The following SPTBN1 variants were observed in gnomAD, a reference collection of about 807,000 sequenced individuals.
SPTBN1 encodes spectrin beta, non-erythrocytic 1.
Under a neutral mutation model 266.4 loss-of-function variants are expected in SPTBN1, and 32 were observed. The observed-to-expected ratio is 0.12, with a 90% CI of 0.09 to 0.16. SPTBN1 has a LOEUF of 0.16. SPTBN1 is among the 10% of genes least tolerant of loss of function. The pLI, the probability that SPTBN1 is intolerant of heterozygous loss-of-function variation, is 1.00. For missense variants in SPTBN1, 2,296 were observed against 3,067.1 expected, an observed-to-expected ratio of 0.75 and a Z score of 5.94; for synonymous variants, 1,336 against 1,162.2, an observed-to-expected ratio of 1.15 and a Z score of -3.04.
chr2:54,655,308 T>TTA, intron 28 of SPTBN1, 100 bp downstream of exon 28: 5 of 1,426,340 alleles, frequency 3.5e-6, no homozygotes, highest in South Asian at 2.7e-5. Context: ...GTTTACATTC[T>TTA]TATACACACA....
chr2:54,507,127 G>A (rs1669614569), intron 1 of SPTBN1, among the ~76,000 whole-genome samples: 1 of 152,106 alleles, frequency 6.6e-6, no homozygotes, highest in South Asian at 2.1e-4. Context: ...AGATTACAAA[G>A]TACATTGATC....
chr2:54,526,486 A>G lies in SPTBN1; in HGVS notation c.68A>G (p.Asn23Ser). 6.2e-7 allele frequency: 1 copy of G among 1,614,174 alleles called. No individual in the cohort carries two copies. The highest frequency in any genetic ancestry group is 8.5e-7 in the Non-Finnish European group (1 of 1,180,024). The change falls in exon 2 of 36, where the codon AAC becomes AGC. Residue 23 changes from asparagine to serine, a missense_variant. This residue lies in a region of SPTBN1 where 178 missense variants were observed against 375.7 expected (regional missense o/e 0.47). Transcript: ENST00000356805. ...CAGCAGCAGTACAGTGATGTCAACA[A>G]CCGCTGGGATGTCGACGACTGGGAC... Reference protein sequence around the residue: ...EIQQQYSDVNNRWDVDDWDNE... With the variant: ...EIQQQYSDVNSRWDVDDWDNE...
rs547023599 is a variant in SPTBN1, at chr2:54,489,346, A to G, written c.-48+32828A>G. On this transcript the variant is annotated intron_variant, in intron 1 of 35. Coordinates refer to ENST00000356805, the MANE Select transcript of SPTBN1 (RefSeq NM_003128.3). ...AAAAAAAAAAAAAATAGTAAATGGT[A>G]TAACTGAAAGTACCTTGAAAAAATA... Among the ~76,000 whole-genome samples, 75 of 151,982 alleles carry G rather than the reference A, an allele frequency of 4.9e-4. 1 individual carries two copies. The highest frequency in any genetic ancestry group is 1.8e-3 in the African/African-American group (73 of 41,450).
At chr2:54,548,550 T>G (rs557539083) in intron 2 of SPTBN1, among the ~76,000 whole-genome samples, 1 of 152,320 alleles carries the variant, frequency 6.6e-6, no homozygotes, top group South Asian at 2.1e-4. Context: ...CTGGGCCCAC[T>G]TCATTGACTG....
chr2:54,459,697 T>C (rs1193695565), intron 1 of SPTBN1, among the ~76,000 whole-genome samples: 1 of 152,208 alleles, frequency 6.6e-6, no homozygotes, highest in African/African-American at 2.4e-5. Context: ...ATGGCAGCCG[T>C]AGTTTCTTTC....
At chr2:54,472,097 G>T (rs1476364933) in intron 1 of SPTBN1, among the ~76,000 whole-genome samples, 3 of 127,730 alleles carry the variant, frequency 2.3e-5, no homozygotes, top group Non-Finnish European at 4.7e-5. Context: ...GCGCGATCTT[G>T]GCTCACTGCA....
chr2:54,658,133 T>C (rs1012418634), intron 30 of SPTBN1, 87 bp downstream of exon 30: 8 of 1,501,282 alleles, frequency 5.3e-6, no homozygotes, highest in Non-Finnish European at 6.3e-6. Flanking sequence ...ATTCACACGA[T>C]TGCTTGTTTT....
chr2:54,569,903 G>T (rs1673936788), intron 2 of SPTBN1, among the ~76,000 whole-genome samples: 1 of 152,012 alleles, frequency 6.6e-6, no homozygotes, highest in African/African-American at 2.4e-5. Context: ...ACCTGTTCTG[G>T]GTGTGGTTTC....
Position 54,558,859 on chromosome 2 carries a change from G to C in SPTBN1, c.148+32293G>C. On this transcript the variant is annotated intron_variant, in intron 2 of 35. Transcript: ENST00000356805. The surrounding 1 kb of genome is among the most constrained non-coding windows in gnomAD (Gnocchi z 4.6). ...GGCAGGTGCCTTACAACTACAACCA[G>C]CTGGAAGGCAGATTCAAGCAGCTGC... is the stretch of plus-strand genomic sequence containing the variant. The C allele has an allele frequency of 6.2e-7, 1 of 1,613,938 alleles. No individual in the cohort carries two copies. Among genetic ancestry groups the C allele is most frequent in the Non-Finnish European group, 8.5e-7 (1 of 1,179,874 alleles).
At chr2:54,566,294 T>A (rs970772995) in intron 2 of SPTBN1, among the ~76,000 whole-genome samples, 161 of 151,198 alleles carry the variant, frequency 1.1e-3, no homozygotes, top group African/African-American at 3.6e-3. Flanking sequence ...TTCAAGCAAT[T>A]CTCTTGCCTC....
intron 26 of SPTBN1, among the ~76,000 whole-genome samples, chr2:54,651,866 A>G (rs1040661025): frequency 1.3e-5 from 2 of 152,236 alleles, no homozygotes; most frequent in Non-Finnish European, 2.9e-5. Flanking sequence ...TCACACTGGA[A>G]ACCAAAGCCT....
rs1679972981 is a variant in SPTBN1 at position 54,647,077 on chromosome 2, A to G, written c.4867-54A>G. 14 of 1,612,426 alleles carry G rather than the reference A, an allele frequency of 8.7e-6. No homozygotes were observed. The Admixed American group carries it at 1.5e-4, about 17-fold the overall frequency. On this transcript the variant is annotated intron_variant, in intron 23 of 35. Transcript: ENST00000356805. ...TGAGCAGCTGGTCTGTCACTCCTTA[A>G]GGGGTAGGGCCAGAGGGGACCGCTA...
chr2:54,583,818 GCTCTTTTTATTCCTA>G (rs1283974768), intron 2 of SPTBN1, among the ~76,000 whole-genome samples: 1 of 152,114 alleles, frequency 6.6e-6, no homozygotes, highest in Non-Finnish European at 1.5e-5. Flanking sequence ...TCCAGTGAGT[GCTCTTTTTATTCCTA>G]CTCATCAGTC....
chr2:54,502,549 A>AT (rs980522098), intron 1 of SPTBN1, among the ~76,000 whole-genome samples: 1 of 152,018 alleles, frequency 6.6e-6, no homozygotes, highest in Non-Finnish European at 1.5e-5. Context: ...CTGTGTGTGC[A>AT]TGGGTGACAG....
intron 1 of SPTBN1, among the ~76,000 whole-genome samples, chr2:54,471,799 G>GGTTTTTTTTT (rs1693932488): frequency 3.2e-5 from 1 of 31,494 alleles, no homozygotes; most frequent in Non-Finnish European, 5.0e-5. Flanking sequence ...CTTTTTTATC[G>GGTTTTTTTTT]ATTTTTTTTT....
chr2:54,652,061 A>G (rs1680332608), intron 26 of SPTBN1, among the ~76,000 whole-genome samples: 1 of 151,956 alleles, frequency 6.6e-6, no homozygotes, highest in African/African-American at 2.4e-5. Context: ...ATAGACATCT[A>G]AAAGCTCTCA....
intron 27 of SPTBN1, among the ~76,000 whole-genome samples, chr2:54,654,409 A>T (rs1680511575): frequency 6.6e-6 from 1 of 152,206 alleles, no homozygotes; most frequent in South Asian, 2.1e-4. Flanking sequence ...TAATAGAGGA[A>T]CACACAGGTA....
At chr2:54,648,498 CTG>C (rs1558467661) in intron 24 of SPTBN1, among the ~76,000 whole-genome samples, 1 of 152,228 alleles carries the variant, frequency 6.6e-6, no homozygotes, top group Non-Finnish European at 1.5e-5. Context: ...GCCACACTGG[CTG>C]TGTCATTTGT....
At chr2:54,659,679 C>T (rs1472619209) in intron 31 of SPTBN1, among the ~76,000 whole-genome samples, 2 of 152,126 alleles carry the variant, frequency 1.3e-5, no homozygotes, top group African/African-American at 4.8e-5. Context: ...AATTATTTTG[C>T]TATGGTAAGA....
Sources: gnomAD v4.1 joint callset for allele counts (sites outside exome capture counted in the v4.1 genomes callset) on GRCh38, gnomAD v4.1.1 for gene constraint, gnomAD v4.1.1 regional missense constraint, Gnocchi (gnomAD v3.1) non-coding constraint, MANE v1.5 for transcripts, NCBI Gene and HGNC (gene_info 2026-07-23, HGNC 2026-07-21) for gene names.